AMACR: variants seen among roughly 807,000 people sequenced by gnomAD.
The protein encoded by AMACR is alpha-methylacyl-CoA racemase.
Under a neutral mutation model 22.2 loss-of-function variants are expected in AMACR, and 18 were observed. The observed-to-expected ratio is 0.81, with a 90% CI of 0.56 to 1.20. AMACR has a LOEUF of 1.20. Ranked by LOEUF, AMACR falls within the 50% of genes most tolerant of loss-of-function variation. The pLI is 0.00. For missense variants in AMACR, 499 were observed against 490.6 expected, an observed-to-expected ratio of 1.02 and a Z score of -0.16; for synonymous variants, 213 against 191.3, an observed-to-expected ratio of 1.11 and a Z score of -0.94.
chr5:34,004,881 T>C (rs1211159822), intron 2 of AMACR, 147 bp from the exon 3 acceptor site: 2 of 953,858 alleles, frequency 2.1e-6, no homozygotes, highest in Non-Finnish European at 1.6e-6. Flanking sequence ...AATCTGAGCT[T>C]AGTCAGTAAA....
At chr5:34,001,354 A>G (rs1753809581) in intron 3 of AMACR, among the ~76,000 whole-genome samples, 1 of 152,210 alleles carries the variant, frequency 6.6e-6, no homozygotes, top group African/African-American at 2.4e-5. Context: ...ATGTACAGAA[A>G]ACAGAAGTGA....
In AMACR at chr5:34,004,562, ATT is replaced by A; in HGVS notation, c.552+10_552+11del. 1.9e-6 allele frequency: 3 copies of A among 1,614,086 alleles called. No homozygotes were observed. The highest frequency in any genetic ancestry group is 2.5e-6 in the Non-Finnish European group (3 of 1,179,940). Reference sequence around the variant, plus strand: ...GGACAAGTGGCAGGCATCTACCCCAATTAATACTTACCATATTTGCATCAATG... The same window carrying A: ...GGACAAGTGGCAGGCATCTACCCCAAAATACTTACCATATTTGCATCAATG... On this transcript the variant is annotated intron_variant, in intron 3 of 4. Transcript: ENST00000335606.
Position 33,989,133 on chromosome 5 carries a change from T to C in AMACR, c.1109A>G (p.Asp370Gly), listed in dbSNP as rs2112032028. ...SREEIYQLNSDKIIESNKVKA... is the reference protein window; with the variant it reads ...SREEIYQLNSGKIIESNKVKA... The stretch of plus-strand genomic sequence containing the variant: ...TACCTTATTACTTTCAATGATTTTA[T>C]CTGAGTTAAGCTGATAAATCTCTTC... The change falls in exon 5 of 5, where the codon GAT (aspartate) becomes GGT (glycine). Residue 370 changes from aspartate to glycine, a missense_variant. Physicochemically the swap from Asp to Gly is moderately conservative, Grantham distance 94. Coordinates refer to ENST00000335606, the MANE Select transcript of AMACR (RefSeq NM_014324.6). The C allele has an allele frequency of 6.2e-7, 1 of 1,614,246 alleles. No individual in the cohort carries two copies. Among genetic ancestry groups the C allele is most frequent in the African/African-American group, 1.3e-5 (1 of 75,058 alleles).
rs752354823 is a variant in AMACR, at chr5:34,007,892, A to C, written c.128T>G (p.Val43Gly). The change falls in exon 1 of 5, where the codon GTG becomes GGG. Residue 43 changes from valine to glycine, a missense_variant. Transcript: ENST00000335606. ...RVDRPGSRYD[V>G]SRLGRGKRSL... ...GCGCTTGCCCCGGCCCAAGCGGCTC[A>C]CGTCGTAGCGGGAGCCGGGCCGGTC... is the stretch of plus-strand genomic sequence containing the variant. The C allele has an allele frequency of 1.7e-5, 28 of 1,601,106 alleles. No homozygotes were observed. In the African/African-American group the frequency reaches 3.3e-4, roughly 19 times the overall value.
chr5:34,004,547 C>T, intron 3 of AMACR, 27 bp downstream of exon 3: 4 of 1,613,834 alleles, frequency 2.5e-6, no homozygotes, highest in Non-Finnish European at 3.4e-6. Flanking sequence ...GGACAAGTGG[C>T]AGGCATCTAC....
chr5:33,998,224 A>G (rs1358794447), intron 4 of AMACR, among the ~76,000 whole-genome samples: 3 of 152,244 alleles, frequency 2.0e-5, no homozygotes, highest in African/African-American at 7.2e-5. Context: ...AAATCTTTCC[A>G]TGCTCTGGTG....
At chr5:33,993,884 G>T in intron 4 of AMACR, 1 of 344,602 alleles carries the variant, frequency 2.9e-6, no homozygotes, top group Admixed American at 3.6e-5. Context: ...GGGTGACAGA[G>T]ATCACCCAGC....
intron 3 of AMACR, among the ~76,000 whole-genome samples, chr5:34,001,580 G>C (rs1157714850): frequency 6.6e-6 from 1 of 152,218 alleles, no homozygotes; most frequent in Non-Finnish European, 1.5e-5. Context: ...AAATACGTAA[G>C]GGGGCAGCTT....
chr5:33,989,816 G>C (rs1275051411), intron 4 of AMACR, among the ~76,000 whole-genome samples: 1 of 151,466 alleles, frequency 6.6e-6, no homozygotes, highest in Non-Finnish European at 1.5e-5. Context: ...ATTTCCCCAG[G>C]GTGTTATTAC....
intron 4 of AMACR, among the ~76,000 whole-genome samples, chr5:33,990,223 A>G (rs533203665): frequency 2.6e-5 from 4 of 152,366 alleles, no homozygotes; most frequent in South Asian, 2.1e-4. Context: ...GCTTTGTACT[A>G]GGATGAAGGA....
chr5:33,989,328 T>A lies in AMACR; in HGVS notation c.914A>T (p.His305Leu), dbSNP rs1234892826. Residue 305 changes from histidine to leucine, a missense_variant, in exon 5 of 5, where the codon CAT (histidine) becomes CTT (leucine). Transcript: ENST00000335606. ...TPVLTFEEVV[H>L]HDHNKERGSF... ...GCCCCGTTCCTTGTTGTGATCATGA[T>A]GAACAACCTCCTCAAAAGTCAGAAC... 5 of 1,614,184 alleles carry A rather than the reference T, an allele frequency of 3.1e-6. No individual in the cohort carries two copies. Among genetic ancestry groups the A allele is most frequent in the Non-Finnish European group, 4.2e-6 (5 of 1,180,036 alleles).
intron 4 of AMACR, chr5:33,997,275 T>C (rs1327995662): frequency 3.9e-6 from 3 of 772,428 alleles, no homozygotes; most frequent in Non-Finnish European, 7.2e-6. Context: ...TCCCACTATT[T>C]AGTTTTCTGT....
At chr5:34,005,136 G>A (rs1287963403) in intron 2 of AMACR, among the ~76,000 whole-genome samples, 1 of 152,208 alleles carries the variant, frequency 6.6e-6, no homozygotes, top group Non-Finnish European at 1.5e-5. Flanking sequence ...GATGTGAAGA[G>A]ACAATTCTAT....
At chr5:33,994,646 A>G (rs190420497) in intron 4 of AMACR, among the ~76,000 whole-genome samples, 21 of 152,340 alleles carry the variant, frequency 1.4e-4, no homozygotes, top group Admixed American at 1.4e-3. Context: ...GTGGTTTAAC[A>G]TGCTATCTCC....
intron 4 of AMACR, chr5:33,997,841 G>A: frequency 1.2e-5 from 4 of 330,822 alleles, no homozygotes; most frequent in Middle Eastern, 8.5e-4. Flanking sequence ...TCAAAAATTT[G>A]GAAAATTTAA....
At chr5:33,990,628 CTTTCTTT>C in intron 4 of AMACR, among the ~76,000 whole-genome samples, 1 of 152,194 alleles carries the variant, frequency 6.6e-6, no homozygotes. Context: ...ATGAAAGGCC[CTTTCTTT>C]ATGCATCACA....
chr5:33,989,406 G>C lies in AMACR; in HGVS notation c.836C>G (p.Thr279Arg). Residue 279 changes from threonine to arginine, a missense_variant, in exon 5 of 5, where the codon ACG becomes AGG. Thr to Arg is a moderately conservative substitution (Grantham distance 71). Transcript: ENST00000335606. Reference sequence around the variant, plus strand: ...AAAGATTTGACACCACTCTGCCTTCGTCTTCTCTGCAAATACATCTGCAAA... The same window carrying C: ...AAAGATTTGACACCACTCTGCCTTCCTCTTCTCTGCAAATACATCTGCAAA... Reference protein sequence around the residue: ...KKFADVFAEKTKAEWCQIFDG... With the variant: ...KKFADVFAEKRKAEWCQIFDG... The C allele has an allele frequency of 6.2e-7, 1 of 1,614,138 alleles. No homozygotes were observed. The highest frequency in any genetic ancestry group is 8.5e-7 in the Non-Finnish European group (1 of 1,180,018).
intron 4 of AMACR, among the ~76,000 whole-genome samples, chr5:33,992,115 G>A (rs1040765021): frequency 4.0e-5 from 6 of 151,872 alleles, no homozygotes; most frequent in South Asian, 2.1e-4. Context: ...TCCTGCCCTC[G>A]TGATCCGCCC....
rs1028801399 is a variant in AMACR, at chr5:33,996,668, G to A, written c.739+1973C>T. Among the ~76,000 whole-genome samples the A allele has an allele frequency of 1.4e-5, 2 of 142,820 alleles. 1 individual carries two copies. Among genetic ancestry groups the A allele is most frequent in the South Asian group, 4.3e-4 (2 of 4,600 alleles). 93.7% of individuals were successfully genotyped at this position (142,820 alleles called of 152,430 possible). ...TATAGTCCCAGCTACTTGGGAGACT[G>A]AAGCAGGAGAATCACTGGTACCCCA... On this transcript the variant is annotated intron_variant, in intron 4 of 4. Transcript: ENST00000335606.
Sources: allele counts gnomAD v4.1 joint callset (sites outside exome capture counted in the v4.1 genomes callset), GRCh38; gene constraint gnomAD v4.1.1; transcripts MANE v1.5; gene names NCBI Gene and HGNC (gene_info 2026-07-23, HGNC 2026-07-21).